Variants in ANKRD30BL observed in about 807,000 individuals in gnomAD.
The protein encoded by ANKRD30BL is ankyrin repeat domain 30B like, also known as putative ankyrin repeat domain-containing protein 30B-like.
In ANKRD30BL, 20 loss-of-function variants were observed where a neutral mutation model predicts 18.4. The observed-to-expected ratio is 1.09, with a 90% CI of 0.77 to 1.58. The LOEUF (loss-of-function observed/expected upper bound fraction) is 1.58. ANKRD30BL is among the 40% of genes most tolerant of loss of function. The pLI is 0.00. For synonymous variants in ANKRD30BL, 72 were observed against 100.9 expected, an observed-to-expected ratio of 0.71 and a Z score of 1.72; for missense variants, 224 against 268.6, an observed-to-expected ratio of 0.83 and a Z score of 1.16.
chr2:132,218,703 A>ACCTTTTCCACCGTAGG (rs1573855436), intron 1 of ANKRD30BL, among the ~76,000 whole-genome samples: 2 of 149,434 alleles, frequency 1.3e-5, no homozygotes, highest in Admixed American at 6.6e-5. Context: ...ACAGAGTTGA[A>ACCTTTTCCACCGTAGG]CATACCTTAT....
chr2:132,234,867 G>C (rs571989023), intron 1 of ANKRD30BL, among the ~76,000 whole-genome samples: 83 of 152,230 alleles, frequency 5.5e-4, no homozygotes, highest in Middle Eastern at 3.4e-3. Flanking sequence ...ACCAAAGCCA[G>C]GCAGAGACAC....
intron 1 of ANKRD30BL, among the ~76,000 whole-genome samples, chr2:132,203,631 G>A (rs188790786): frequency 0.014 from 2,071 of 152,004 alleles, 15 homozygotes; most frequent in Non-Finnish European, 0.022. Flanking sequence ...TTTCTCAGTT[G>A]AGAAATTAAA....
Position 132,147,766 on chromosome 2 carries a change from G to A in ANKRD30BL, c.*365C>T, listed in dbSNP as rs138662895. On this transcript the variant is annotated 3_prime_UTR_variant, in exon 6 of 6. Coordinates refer to ENST00000409867, the MANE Select transcript of ANKRD30BL (RefSeq NM_001358416.1). The stretch of plus-strand genomic sequence containing the variant: ...GGACTGCACACTCTAAGCCAATTCA[G>A]ATTGGCTATTTAAAGAGGGCAGGGG... 185 of 262,056 alleles carry A rather than the reference G, an allele frequency of 7.1e-4. No homozygotes were observed. Among genetic ancestry groups the A allele is most frequent in the African/African-American group, 3.7e-3 (172 of 46,214 alleles). The allele number at this position is 262,056 out of a possible 1,614,324, so 16.2% of individuals were successfully genotyped here. A position where few individuals can be genotyped will look rare whatever the true frequency, so the allele number is the denominator to read the frequency against.
upstream of ANKRD30BL, among the ~76,000 whole-genome samples, chr2:132,165,640 T>A (rs1688176029): frequency 6.6e-6 from 1 of 151,990 alleles, no homozygotes; most frequent in African/African-American, 2.4e-5. Flanking sequence ...GAGAATTGTT[T>A]GAACCCAGGA....
At chr2:132,212,646 G>C (rs1679386935) in intron 1 of ANKRD30BL, among the ~76,000 whole-genome samples, 1 of 151,022 alleles carries the variant, frequency 6.6e-6, no homozygotes. Context: ...CTTCACTTAA[G>C]TACTAGACAG....
intron 1 of ANKRD30BL, among the ~76,000 whole-genome samples, chr2:132,201,101 G>A (rs2104747432): frequency 6.6e-6 from 1 of 152,210 alleles, no homozygotes; most frequent in Middle Eastern, 3.4e-3. Flanking sequence ...TATGTAGAAA[G>A]CTGAAACTGG....
intron 1 of ANKRD30BL, among the ~76,000 whole-genome samples, chr2:132,177,860 G>A (rs908102467): frequency 6.6e-5 from 10 of 151,980 alleles, no homozygotes; most frequent in African/African-American, 2.4e-4. Flanking sequence ...TTTGCCTCTG[G>A]CTTTCATGGG....
intron 1 of ANKRD30BL, among the ~76,000 whole-genome samples, chr2:132,157,795 C>A (rs937771226): frequency 2.0e-5 from 3 of 152,072 alleles, no homozygotes; most frequent in African/African-American, 7.2e-5. Context: ...AGAATATGTG[C>A]AATGTATTTG....
chr2:132,210,320 A>T (rs557718679), intron 1 of ANKRD30BL, among the ~76,000 whole-genome samples: 30 of 152,176 alleles, frequency 2.0e-4, no homozygotes, highest in African/African-American at 7.0e-4. Context: ...TAGAATCTGC[A>T]AGTGGATATT....
chr2:132,190,246 T>A (rs1678820597), intron 1 of ANKRD30BL, among the ~76,000 whole-genome samples: 1 of 152,216 alleles, frequency 6.6e-6, no homozygotes, highest in Non-Finnish European at 1.5e-5. Context: ...AAAAAGGCAA[T>A]CATGTGTCAT....
chr2:132,202,729 G>C (rs111685647), intron 1 of ANKRD30BL, among the ~76,000 whole-genome samples: 4 of 151,908 alleles, frequency 2.6e-5, no homozygotes, highest in Non-Finnish European at 4.4e-5. Flanking sequence ...ATATATTTGC[G>C]TACACACACC....
intron 1 of ANKRD30BL, among the ~76,000 whole-genome samples, chr2:132,171,382 A>G (rs1254957584): frequency 1.3e-5 from 2 of 152,176 alleles, no homozygotes; most frequent in African/African-American, 4.8e-5. Flanking sequence ...TGACTTGGCC[A>G]TGTATTAGTT....
chr2:132,251,767 G>A (rs74420150), intron 1 of ANKRD30BL, among the ~76,000 whole-genome samples: 2 of 152,066 alleles, frequency 1.3e-5, no homozygotes, highest in Admixed American at 6.5e-5. Context: ...CACTGTTGTT[G>A]CCTAACATTT....
intron 1 of ANKRD30BL, among the ~76,000 whole-genome samples, chr2:132,229,598 C>G (rs878963620): frequency 6.6e-6 from 1 of 152,036 alleles, no homozygotes; most frequent in African/African-American, 2.4e-5. Context: ...CTCTGTGAGG[C>G]CTTCGTTGGA....
At chr2:132,241,983 C>A (rs372254951) in intron 1 of ANKRD30BL, among the ~76,000 whole-genome samples, 1 of 149,304 alleles carries the variant, frequency 6.7e-6, no homozygotes, top group African/African-American at 2.5e-5. Context: ...CTGCAAGTGG[C>A]CATTTGGTGT....
rs1012712435 is a variant in ANKRD30BL at position 132,220,961 on chromosome 2, G to A, written n.441+36568C>T. On this transcript the variant is annotated intron_variant and non_coding_transcript_variant, in intron 1 of 4. Transcript: ENST00000470729. The stretch of plus-strand genomic sequence containing the variant: ...CCATCCCATCTAGGAAGTGAGGAGC[G>A]TCTCTGCCCGGCCGCCCATCGTCTG... 5.3e-5 allele frequency among the ~76,000 whole-genome samples: 8 copies of A among 150,858 alleles called. No homozygotes were observed. In the South Asian group the frequency reaches 8.4e-4, roughly 16 times the overall value.
At chr2:132,209,227 G>C (rs1189205757) in intron 1 of ANKRD30BL, among the ~76,000 whole-genome samples, 1 of 151,948 alleles carries the variant, frequency 6.6e-6, no homozygotes, top group Non-Finnish European at 1.5e-5. Context: ...TTTGTGATGT[G>C]TGAATTCAAC....
upstream of ANKRD30BL, among the ~76,000 whole-genome samples, chr2:132,164,715 A>C (rs1688155003): frequency 6.6e-6 from 1 of 152,156 alleles, no homozygotes; most frequent in Non-Finnish European, 1.5e-5. Flanking sequence ...GATCCCCAGA[A>C]CACCTACTTT....
intron 1 of ANKRD30BL, among the ~76,000 whole-genome samples, chr2:132,170,046 TAC>T (rs1389071932): frequency 2.0e-5 from 3 of 152,194 alleles, no homozygotes; most frequent in African/African-American, 7.2e-5. Flanking sequence ...GTGTATTAAT[TAC>T]ACAGTTTCTT....
Sources: gnomAD v4.1 joint callset for allele counts (sites outside exome capture counted in the v4.1 genomes callset) on GRCh38, gnomAD v4.1.1 for gene constraint, MANE v1.5 for transcripts, NCBI Gene and HGNC (gene_info 2026-07-23, HGNC 2026-07-21) for gene names.